The following NDUFA9 variants were observed in gnomAD, a reference collection of about 807,000 sequenced individuals.
The protein encoded by NDUFA9 is NADH:ubiquinone oxidoreductase subunit A9.
In NDUFA9, 23 loss-of-function variants were observed where a neutral mutation model predicts 45.9. That is an observed-to-expected ratio of 0.50 (90% CI 0.36 to 0.71). NDUFA9 has a LOEUF of 0.71. Among genes scored for constraint, NDUFA9 ranks in the 30% least tolerant of loss-of-function variants. NDUFA9 has a pLI of 0.00. For synonymous variants in NDUFA9, 176 were observed against 170.5 expected, an observed-to-expected ratio of 1.03 and a Z score of -0.25; for missense variants, 466 against 488.2, an observed-to-expected ratio of 0.95 and a Z score of 0.43.
At chr12:4,667,241 T>C (rs1432685364) in intron 6 of NDUFA9, among the ~76,000 whole-genome samples, 2 of 152,146 alleles carry the variant, frequency 1.3e-5, no homozygotes, top group African/African-American at 4.8e-5. Context: ...ATCCTATTCA[T>C]GAGGGAGCAC....
chr12:4,665,235 C>T (rs1293785496), intron 6 of NDUFA9, among the ~76,000 whole-genome samples: 1 of 152,180 alleles, frequency 6.6e-6, no homozygotes, highest in East Asian at 1.9e-4. Flanking sequence ...ACCCCTTAAA[C>T]AACTCTCTGT....
At chr12:4,656,420 C>T (rs1416932997) in intron 3 of NDUFA9, among the ~76,000 whole-genome samples, 1 of 152,158 alleles carries the variant, frequency 6.6e-6, no homozygotes, top group Non-Finnish European at 1.5e-5. Context: ...ACATCTATTC[C>T]ATTATTTCTG....
chr12:4,682,173 A>T (rs774775645), intron 8 of NDUFA9, 32 bp from the exon 9 acceptor site: 5 of 1,479,002 alleles, frequency 3.4e-6, no homozygotes, highest in Non-Finnish European at 9.3e-7. Flanking sequence ...AGAAGCGTGT[A>T]ATTGAAAGAA....
In NDUFA9 at chr12:4,682,227, C is replaced by T. The variant is rs377759212; in HGVS notation, c.823C>T (p.His275Tyr). The change falls in exon 9 of 11, where the codon CAC becomes TAC. Residue 275 changes from histidine to tyrosine, a missense_variant. Physicochemically the swap from His to Tyr is moderately conservative, Grantham distance 83. Transcript: ENST00000266544. ...FVGPSRYLLF[H>Y]LVKYIFAVAH... is the part of the protein sequence containing the mutation. The stretch of plus-strand genomic sequence containing the variant: ...TAGTCCCAGTCGGTACCTCCTTTTC[C>T]ACCTGGTGAAGTACATCTTTGCTGT... 5.3e-5 allele frequency: 86 copies of T among 1,612,006 alleles called. No individual in the cohort carries two copies. The highest frequency in any genetic ancestry group is 7.2e-5 in the Non-Finnish European group (85 of 1,178,854).
intron 3 of NDUFA9, chr12:4,655,181 A>G (rs1416575550): frequency 2.6e-6 from 1 of 378,322 alleles, no homozygotes. Flanking sequence ...TCTTTGTCAT[A>G]ATTACTCAGC....
chr12:4,678,407 G>T (rs1591549489), intron 8 of NDUFA9, among the ~76,000 whole-genome samples: 1 of 151,916 alleles, frequency 6.6e-6, no homozygotes, highest in Non-Finnish European at 1.5e-5. Flanking sequence ...TTTTACCTAT[G>T]GCATCAAAAG....
chr12:4,662,856 G>A (rs186490150), intron 6 of NDUFA9, among the ~76,000 whole-genome samples: 12 of 152,274 alleles, frequency 7.9e-5, no homozygotes, highest in Admixed American at 7.8e-4. Context: ...ATGAACTTGG[G>A]AGTCAGAGAC....
At position 4,682,294 on chromosome 12, in the gene NDUFA9, C is replaced by A. The variant is rs1412267949; in HGVS notation, c.890C>A (p.Ala297Asp). 2 of 1,608,774 alleles carry A rather than the reference C, an allele frequency of 1.2e-6. No homozygotes were observed. The highest frequency in any genetic ancestry group is 1.7e-6 in the Non-Finnish European group (2 of 1,175,584). ...LFLPFPLPLFAYRWVARVFEI... is the reference protein window; with the variant it reads ...LFLPFPLPLFDYRWVARVFEI... Reference sequence around the variant, plus strand: ...CTCCCATTCCCCTTGCCGCTTTTTGCCTATCGGTAAGTAGAGTGCTCCTTT... The same window carrying A: ...CTCCCATTCCCCTTGCCGCTTTTTGACTATCGGTAAGTAGAGTGCTCCTTT... Residue 297 changes from alanine to aspartate, a missense_variant, in exon 9 of 11, where the codon GCC (alanine) becomes GAC (aspartate). Physicochemically the swap from Ala to Asp is moderately radical, Grantham distance 126. Coordinates refer to ENST00000266544, the MANE Select transcript of NDUFA9 (RefSeq NM_005002.5).
At chr12:4,681,889 T>C (rs2137485590) in intron 8 of NDUFA9, among the ~76,000 whole-genome samples, 1 of 152,202 alleles carries the variant, frequency 6.6e-6, no homozygotes, top group South Asian at 2.1e-4. Context: ...TATGTTGTCA[T>C]GAAACATGCA....
intron 6 of NDUFA9, chr12:4,667,454 A>T (rs1360123999): frequency 1.2e-5 from 2 of 166,194 alleles, no homozygotes; most frequent in Non-Finnish European, 2.6e-5. Flanking sequence ...TGCCACTTTG[A>T]TAAAGTTTAT....
At chr12:4,656,892 T>A (rs1945793968) in intron 3 of NDUFA9, among the ~76,000 whole-genome samples, 1 of 152,230 alleles carries the variant, frequency 6.6e-6, no homozygotes, top group Non-Finnish European at 1.5e-5. Context: ...CCACTTTCTA[T>A]CATCAGTCCT....
At chr12:4,654,754 C>A in intron 2 of NDUFA9, 71 bp from the exon 3 acceptor site, 1 of 1,215,320 alleles carries the variant, frequency 8.2e-7, no homozygotes, top group Non-Finnish European at 1.2e-6. Flanking sequence ...TAAATATTTA[C>A]CAAGTCACAA....
Position 4,687,203 on chromosome 12 carries a change from C to T in NDUFA9, c.*95C>T, listed in dbSNP as rs910178823. 5.2e-6 allele frequency: 6 copies of T among 1,143,976 alleles called. No homozygotes were observed. Among genetic ancestry groups the T allele is most frequent in the African/African-American group, 3.1e-5 (2 of 63,852 alleles). 70.9% of individuals were successfully genotyped at this position (1,143,976 alleles called of 1,614,324 possible). A position where few individuals can be genotyped will look rare whatever the true frequency, so the allele number is the denominator to read the frequency against. On this transcript the variant is annotated 3_prime_UTR_variant, in exon 11 of 11. Transcript: ENST00000266544. ...CGGTCTCTTTAGAGGATCCTGTACA[C>T]AGTTCCACTATTAAAACATTTCAGG... is the stretch of plus-strand genomic sequence containing the variant.
Position 4,668,522 on chromosome 12 carries a change from T to C in NDUFA9, c.721T>C (p.Tyr241His), listed in dbSNP as rs755710465. The change falls in exon 7 of 11, where the codon TAT (tyrosine) becomes CAT (histidine). Residue 241 changes from tyrosine (Y) to histidine (H), a missense_variant and splice_region_variant. Physicochemically the swap from Tyr to His is moderately conservative, Grantham distance 83. Coordinates refer to ENST00000266544, the MANE Select transcript of NDUFA9 (RefSeq NM_005002.5). ...LGWKTVKQPVYVVDVSKGIVN... is the reference protein window; with the variant it reads ...LGWKTVKQPVHVVDVSKGIVN... ...CTGGAAGACAGTTAAACAACCAGTA[T>C]ATGTAAGTACTTGGATGAAGGGGGT... The C allele has an allele frequency of 6.8e-6, 11 of 1,609,698 alleles. No individual in the cohort carries two copies. In the South Asian group the frequency reaches 1.2e-4, roughly 18 times the overall value.
chr12:4,663,159 G>A (rs749319889), intron 6 of NDUFA9, among the ~76,000 whole-genome samples: 2 of 151,962 alleles, frequency 1.3e-5, no homozygotes, highest in Non-Finnish European at 2.9e-5. Flanking sequence ...TAGCTTGATA[G>A]CTCATTTCTT....
Position 4,662,223 on chromosome 12 carries a change from G to A in NDUFA9, c.553-310G>A, listed in dbSNP as rs536835405. ...TGCTAGATGGTTGACACAAACCAGA[G>A]AATCTGTAAATAGAAGGAAAAATGG... is the stretch of plus-strand genomic sequence containing the variant. On this transcript the variant is annotated intron_variant, in intron 5 of 10. Transcript: ENST00000266544. Among the ~76,000 whole-genome samples the A allele has an allele frequency of 2.4e-4, 37 of 152,296 alleles. 1 individual carries two copies. In the South Asian group the frequency reaches 7.5e-3, roughly 31 times the overall value.
intron 9 of NDUFA9, among the ~76,000 whole-genome samples, chr12:4,683,045 G>C (rs950371655): frequency 3.3e-5 from 5 of 152,088 alleles, no homozygotes; most frequent in Non-Finnish European, 7.4e-5. Flanking sequence ...CTGCACTCCA[G>C]CCTAGGTGAC....
chr12:4,682,315 C>G lies in NDUFA9; in HGVS notation c.896+15C>G, dbSNP rs779154743. The G allele has an allele frequency of 8.2e-6, 13 of 1,582,258 alleles. No homozygotes were observed. The highest frequency in any genetic ancestry group is 1.1e-5 in the Non-Finnish European group (13 of 1,152,304). ...TTTGCCTATCGGTAAGTAGAGTGCTCCTTTTGTGTGACTTCTGAAAAAGCC... is the reference window on the plus strand; with the variant it reads ...TTTGCCTATCGGTAAGTAGAGTGCTGCTTTTGTGTGACTTCTGAAAAAGCC... On this transcript the variant is annotated intron_variant, in intron 9 of 10. Coordinates refer to ENST00000266544, the MANE Select transcript of NDUFA9 (RefSeq NM_005002.5).
chr12:4,657,638 A>G, intron 3 of NDUFA9, 110 bp from the exon 4 acceptor site: 1 of 750,106 alleles, frequency 1.3e-6, no homozygotes, highest in South Asian at 1.6e-5. Flanking sequence ...GCACTATATT[A>G]TGACTACAGC....
Sources: gnomAD v4.1 joint callset for allele counts (sites outside exome capture counted in the v4.1 genomes callset) on GRCh38, gnomAD v4.1.1 for gene constraint, MANE v1.5 for transcripts, NCBI Gene and HGNC (gene_info 2026-07-23, HGNC 2026-07-21) for gene names.